GPC5: variants seen among roughly 807,000 people sequenced by gnomAD.
GPC5 encodes the protein glypican-5.
Under a neutral mutation model 53.9 loss-of-function variants are expected in GPC5, and 47 were observed. That is an observed-to-expected ratio of 0.87 (90% CI 0.69 to 1.11). The LOEUF (loss-of-function observed/expected upper bound fraction) is 1.11, where lower values mean the gene tolerates loss of function less well. GPC5 is among the 50% of genes most tolerant of loss of function. The probability of loss-of-function intolerance (pLI) is 0.00; values close to 1 mark genes in which losing one functional copy is unlikely to be tolerated. For synonymous variants in GPC5, 286 were observed against 263.3 expected (o/e 1.09, Z -0.84); for missense variants, 748 against 713.1 (o/e 1.05, Z -0.56).
intron 6 of GPC5, among the ~76,000 whole-genome samples, chr13:92,128,593 C>T (rs918272406): frequency 2.6e-5 from 4 of 152,162 alleles, no homozygotes; most frequent in South Asian, 2.1e-4. Flanking sequence ...TCAGAGAACT[C>T]GGTCTCATTA....
intron 7 of GPC5, among the ~76,000 whole-genome samples, chr13:92,318,109 T>C (rs9523625): frequency 0.093 from 14,190 of 152,252 alleles, 747 homozygotes; most frequent in Middle Eastern, 0.15. Context: ...ATTTATTTTG[T>C]TGAAGTTTTA....
At chr13:91,698,397 A>G (rs891604267) in intron 3 of GPC5, among the ~76,000 whole-genome samples, 9 of 152,128 alleles carry the variant, frequency 5.9e-5, no homozygotes, top group African/African-American at 2.2e-4. Context: ...ATATCTTATC[A>G]CTTCTTCTGT....
intron 2 of GPC5, among the ~76,000 whole-genome samples, chr13:91,582,413 C>T (rs2032399143): frequency 6.6e-6 from 1 of 151,904 alleles, no homozygotes; most frequent in South Asian, 2.1e-4. Flanking sequence ...GTCAAACAAA[C>T]AAACAACAGC....
intron 7 of GPC5, among the ~76,000 whole-genome samples, chr13:92,624,194 C>G (rs1200667424): frequency 6.6e-6 from 1 of 151,966 alleles, no homozygotes; most frequent in Non-Finnish European, 1.5e-5. Flanking sequence ...CTTGGCCCCC[C>G]TAGTAGCTGA....
intron 6 of GPC5, among the ~76,000 whole-genome samples, chr13:92,033,036 C>CCTGTGT (rs1491249102): frequency 7.2e-6 from 1 of 138,992 alleles, no homozygotes; most frequent in Admixed American, 7.3e-5. Context: ...TAGTTATTGT[C>CCTGTGT]GTGTGTGTGT....
chr13:92,819,017 G>A (rs1877584246), intron 7 of GPC5, among the ~76,000 whole-genome samples: 1 of 151,818 alleles, frequency 6.6e-6, no homozygotes, highest in Non-Finnish European at 1.5e-5. Flanking sequence ...AAATACAAAA[G>A]GGGAAAATAA....
intron 5 of GPC5, among the ~76,000 whole-genome samples, chr13:91,791,211 A>G (rs1357805901): frequency 6.6e-6 from 1 of 152,206 alleles, no homozygotes; most frequent in Non-Finnish European, 1.5e-5. Context: ...GAGAAGAGAT[A>G]GCATTAGCAG....
chr13:92,303,272 G>C (rs1338109727), intron 7 of GPC5, among the ~76,000 whole-genome samples: 1 of 152,112 alleles, frequency 6.6e-6, no homozygotes, highest in Non-Finnish European at 1.5e-5. Context: ...CAGAGTCTCC[G>C]TGGTGGTCTA....
At chr13:91,498,938 T>C (rs1330894199) in intron 2 of GPC5, among the ~76,000 whole-genome samples, 5 of 151,180 alleles carry the variant, frequency 3.3e-5, no homozygotes, top group African/African-American at 1.2e-4. Context: ...ACCACTGCAC[T>C]CCAGCCTGGG....
chr13:91,538,373 C>T (rs767020468), intron 2 of GPC5, among the ~76,000 whole-genome samples: 1 of 151,954 alleles, frequency 6.6e-6, no homozygotes, highest in African/African-American at 2.4e-5. Flanking sequence ...GTAGTTGTAA[C>T]CTTTTTGAAT....
intron 7 of GPC5, among the ~76,000 whole-genome samples, chr13:92,300,176 C>T (rs758293862): frequency 3.9e-5 from 6 of 152,140 alleles, no homozygotes; most frequent in Admixed American, 3.9e-4. Flanking sequence ...GATATTGTCT[C>T]GGAATGTTGT....
chr13:92,617,672 T>G (rs929948897), intron 7 of GPC5, among the ~76,000 whole-genome samples: 2 of 152,212 alleles, frequency 1.3e-5, no homozygotes, highest in Non-Finnish European at 2.9e-5. Context: ...ATTGCATTAA[T>G]ATTAATGATA....
intron 2 of GPC5, among the ~76,000 whole-genome samples, chr13:91,544,784 C>T (rs1212349462): frequency 1.3e-5 from 2 of 152,182 alleles, no homozygotes; most frequent in African/African-American, 4.8e-5. Context: ...TATTATCTCG[C>T]AATTTCTGAC....
chr13:91,471,979 C>T (rs1424964707), intron 2 of GPC5, among the ~76,000 whole-genome samples: 1 of 152,120 alleles, frequency 6.6e-6, no homozygotes, highest in African/African-American at 2.4e-5. Flanking sequence ...CATTTTCTTG[C>T]TGCTTAAAAT....
chr13:92,846,378 A>G (rs1323852047), intron 7 of GPC5, among the ~76,000 whole-genome samples: 2 of 152,206 alleles, frequency 1.3e-5, no homozygotes, highest in Non-Finnish European at 1.5e-5. Flanking sequence ...ATCATATTAC[A>G]TAGAAAGACA....
chr13:92,445,623 T>C (rs1334161262), intron 7 of GPC5, among the ~76,000 whole-genome samples: 1 of 151,472 alleles, frequency 6.6e-6, no homozygotes, highest in African/African-American at 2.4e-5. Flanking sequence ...ATTTCATCCA[T>C]GTCCCTAAAA....
chr13:92,116,269 AC>A (rs1446003847), intron 6 of GPC5, among the ~76,000 whole-genome samples: 1,078 of 12,904 alleles, frequency 0.084, 15 homozygotes, highest in African/African-American at 0.094. Context: ...AAACAAACAA[AC>A]AAAAAAAAAA....
At chr13:91,681,021 A>G (rs1036241650) in intron 2 of GPC5, among the ~76,000 whole-genome samples, 1 of 152,130 alleles carries the variant, frequency 6.6e-6, no homozygotes, top group Non-Finnish European at 1.5e-5. Flanking sequence ...CATACGAATA[A>G]TATGTATTTC....
intron 1 of GPC5, among the ~76,000 whole-genome samples, chr13:91,425,176 T>G (rs1033821261): frequency 6.6e-6 from 1 of 152,200 alleles, no homozygotes; most frequent in South Asian, 2.1e-4. Flanking sequence ...ATTTAATGTA[T>G]TTAGATATAA....
Sources: allele counts gnomAD v4.1 joint callset (sites outside exome capture counted in the v4.1 genomes callset), GRCh38; gene constraint gnomAD v4.1.1; transcripts MANE v1.5; gene names NCBI Gene and HGNC (gene_info 2026-07-23, HGNC 2026-07-21).